The following DNAH10 variants were observed in gnomAD, a reference collection of about 807,000 sequenced individuals.
DNAH10 encodes axonemal beta dynein heavy chain 10.
In DNAH10, 348 loss-of-function variants were observed where a neutral mutation model predicts 506.6. That is an observed-to-expected ratio of 0.69 (90% confidence interval 0.63 to 0.75). DNAH10 has a LOEUF of 0.75. DNAH10 is among the 30% of genes least tolerant of loss of function. The pLI is 0.00. For synonymous variants in DNAH10, 2,059 were observed against 2,198.6 expected (o/e 0.94, Z 1.78); for missense variants, 5,179 against 5,787.1 (o/e 0.89, Z 3.41).
intron 56 of DNAH10, among the ~76,000 whole-genome samples, chr12:123,901,415 T>C (rs7970597): frequency 0.33 from 50,372 of 152,138 alleles, 9,823 homozygotes; most frequent in African/African-American, 0.55. Flanking sequence ...CAGGGACAAG[T>C]AGTGCCTGGG....
intron 38 of DNAH10, among the ~76,000 whole-genome samples, chr12:123,860,336 G>A (rs932877547): frequency 2.0e-5 from 3 of 152,226 alleles, no homozygotes; most frequent in Non-Finnish European, 2.9e-5. Context: ...GGGCTGTGCC[G>A]TGGCCATCTG....
intron 30 of DNAH10, among the ~76,000 whole-genome samples, chr12:123,842,319 AT>A (rs1032627342): frequency 2.0e-5 from 3 of 152,168 alleles, no homozygotes; most frequent in Non-Finnish European, 4.4e-5. Context: ...ACATTCTTTG[AT>A]TTTTGTGGCT....
chr12:123,818,281 GATTTT>G (rs1381011727), intron 21 of DNAH10, among the ~76,000 whole-genome samples: 1 of 151,402 alleles, frequency 6.6e-6, no homozygotes, highest in African/African-American at 2.4e-5. Context: ...ATTTTATACT[GATTTT>G]ATTTTAATTA....
chr12:123,766,462 G>A (rs1957054139), intron 1 of DNAH10, among the ~76,000 whole-genome samples: 1 of 152,066 alleles, frequency 6.6e-6, no homozygotes, highest in Admixed American at 6.6e-5. Flanking sequence ...CCCACCACAT[G>A]TTTTGGTTAT....
intron 54 of DNAH10, 92 bp downstream of exon 54, chr12:123,894,815 T>G: frequency 1.7e-6 from 2 of 1,171,048 alleles, no homozygotes; most frequent in Non-Finnish European, 2.5e-6. Context: ...CTTGTAGATT[T>G]CTTCACTGGA....
intron 6 of DNAH10, 61 bp from the exon 7 acceptor site, chr12:123,783,046 G>A: frequency 6.4e-7 from 1 of 1,564,112 alleles, no homozygotes; most frequent in Non-Finnish European, 8.8e-7. Flanking sequence ...GAACTTGAAT[G>A]TTTCTCTTTG....
intron 6 of DNAH10, among the ~76,000 whole-genome samples, chr12:123,782,211 CTGAT>C (rs990564155): frequency 8.6e-5 from 13 of 151,870 alleles, no homozygotes; most frequent in African/African-American, 3.1e-4. Flanking sequence ...CTCTGATTCT[CTGAT>C]TGTATCTTTT....
chr12:123,872,990 C>T (rs1952096616), intron 45 of DNAH10, among the ~76,000 whole-genome samples: 1 of 152,232 alleles, frequency 6.6e-6, no homozygotes, highest in African/African-American at 2.4e-5. Context: ...GGCCTGAGGA[C>T]ACATGCATGA....
rs1264536542 is a variant in DNAH10, at chr12:123,879,132, AG to A, written c.8373-126del. On this transcript the variant is annotated intron_variant, in intron 48 of 78. Coordinates refer to ENST00000673944, the MANE Select transcript of DNAH10 (RefSeq NM_001372106.1). ...GGTTAGATTTCATTAACGTGAGACT[AG>A]GGGGGCACGACTGGAGAAATGTTGG... 10 of 684,500 alleles carry A rather than the reference AG, an allele frequency of 1.5e-5. No homozygotes were observed. The East Asian group carries it at 2.4e-4, about 17-fold the overall frequency. 42.4% of individuals were successfully genotyped at this position (684,500 alleles called of 1,614,324 possible). A position where few individuals can be genotyped will look rare whatever the true frequency, so the allele number is the denominator to read the frequency against.
chr12:123,872,929 G>A (rs1223846019), intron 45 of DNAH10, among the ~76,000 whole-genome samples: 2 of 152,236 alleles, frequency 1.3e-5, no homozygotes, highest in African/African-American at 4.8e-5. Context: ...AATTAGTTAA[G>A]TGTGAGAACC....
Position 123,933,334 on chromosome 12 carries a change from A to T in DNAH10, c.13300A>T (p.Thr4434Ser). The T allele has an allele frequency of 6.4e-7, 1 of 1,562,472 alleles. No individual in the cohort carries two copies. The highest frequency in any genetic ancestry group is 8.7e-7 in the Non-Finnish European group (1 of 1,151,734). The change falls in exon 77 of 79, where the codon ACC becomes TCC. Residue 4434 changes from threonine (T) to serine (S), a missense_variant. Thr to Ser is a moderately conservative substitution (Grantham distance 58). Around this residue, in one of 3 missense-constraint regions of DNAH10, gnomAD observed 4,844 missense variants for 5,430.5 expected, o/e 0.89. Transcript: ENST00000673944. ...ACTTGTCCTCTCTTCTCTCCAGGTG[A>T]CCGAGAGCGAGCCCAGCGTGATGTG... ...RRFSQYMLWVTESEPSVMWLS... is the reference protein window; with the variant it reads ...RRFSQYMLWVSESEPSVMWLS...
At chr12:123,860,045 A>AG in intron 38 of DNAH10, among the ~76,000 whole-genome samples, 1 of 151,500 alleles carries the variant, frequency 6.6e-6, no homozygotes, top group Non-Finnish European at 1.5e-5. Flanking sequence ...AAAAAAAAAA[A>AG]GGAGAGTATG....
At chr12:123,823,384 G>A (rs1476472695) in intron 24 of DNAH10, among the ~76,000 whole-genome samples, 2 of 152,326 alleles carry the variant, frequency 1.3e-5, no homozygotes, top group African/African-American at 4.8e-5. Flanking sequence ...GGGTCCTTTA[G>A]GAGGTCACTG....
rs185792987 is a variant in DNAH10, at chr12:123,818,366, G to C, written c.3781-584G>C. Among the ~76,000 whole-genome samples, 164 of 151,716 alleles carry C rather than the reference G, an allele frequency of 1.1e-3. 1 individual carries two copies. Among genetic ancestry groups the C allele is most frequent in the African/African-American group, 3.1e-3 (128 of 41,384 alleles). On this transcript the variant is annotated intron_variant, in intron 21 of 78. Transcript: ENST00000673944. Reference sequence around the variant, plus strand: ...TGAGATAGAATCTTGCTCTGTCACCGAGGTTGGAGTGCAGTGGTGTGATCT... The same window carrying C: ...TGAGATAGAATCTTGCTCTGTCACCCAGGTTGGAGTGCAGTGGTGTGATCT...
chr12:123,766,916 T>TTTTTC (rs1566308855), intron 1 of DNAH10, among the ~76,000 whole-genome samples: 5 of 150,224 alleles, frequency 3.3e-5, no homozygotes, highest in African/African-American at 4.9e-5. Context: ...TTCTTTTTTT[T>TTTTTC]TTTTTTTGAG....
rs78401409 is a variant in DNAH10 at position 123,903,444 on chromosome 12, G to A, written c.9815+331G>A. Among the ~76,000 whole-genome samples the A allele has an allele frequency of 0.039, 5,952 of 152,296 alleles. 359 individuals are homozygous for A. Among genetic ancestry groups the A allele is most frequent in the African/African-American group, 0.12 (5,148 of 41,546 alleles). On this transcript the variant is annotated intron_variant, in intron 57 of 78. Coordinates refer to ENST00000673944, the MANE Select transcript of DNAH10 (RefSeq NM_001372106.1). This position sits in a 1 kb window ranked among gnomAD's most constrained non-coding sequence, Gnocchi z 4.6. ...CGGGGGCAAGTGTCCGCCCTAAGCAGGGGCAGGATGCTCACCATGGGGCTG... is the reference window on the plus strand; with the variant it reads ...CGGGGGCAAGTGTCCGCCCTAAGCAAGGGCAGGATGCTCACCATGGGGCTG...
chr12:123,928,978 G>C lies in DNAH10; in HGVS notation c.12307-297G>C, dbSNP rs1012732846. On this transcript the variant is annotated intron_variant, in intron 70 of 78. Coordinates refer to ENST00000673944, the MANE Select transcript of DNAH10 (RefSeq NM_001372106.1). This position sits in a 1 kb window ranked among gnomAD's most constrained non-coding sequence, Gnocchi z 4.9. The stretch of plus-strand genomic sequence containing the variant: ...TTTTGGAAAGGTTTTGTCATTCTCT[G>C]TCTCTCTCTCTCTCTCTGGGGAGGT... 2.3e-5 allele frequency: 11 copies of C among 468,602 alleles called. No individual in the cohort carries two copies. Among genetic ancestry groups the C allele is most frequent in the African/African-American group, 1.0e-4 (5 of 49,966 alleles). The allele number at this position is 468,602 out of a possible 1,614,324, so 29.0% of individuals were successfully genotyped here.
intron 5 of DNAH10, among the ~76,000 whole-genome samples, chr12:123,778,962 C>A (rs1000719137): frequency 1.3e-5 from 2 of 151,344 alleles, no homozygotes; most frequent in Admixed American, 6.6e-5. Context: ...TGTAGTAGTG[C>A]GATCTCAGCT....
intron 13 of DNAH10, among the ~76,000 whole-genome samples, chr12:123,798,477 A>C (rs1172322981): frequency 6.6e-6 from 1 of 152,160 alleles, no homozygotes; most frequent in African/African-American, 2.4e-5. Flanking sequence ...CAGTCCCAAG[A>C]GAGGTGGTGC....
Sources: allele counts gnomAD v4.1 joint callset (sites outside exome capture counted in the v4.1 genomes callset), GRCh38; gene constraint gnomAD v4.1.1; regional missense constraint gnomAD v4.1.1; non-coding constraint Gnocchi (gnomAD v3.1); transcripts MANE v1.5; gene names NCBI Gene and HGNC (gene_info 2026-07-23, HGNC 2026-07-21).